PROZ: variants seen among roughly 807,000 people sequenced by gnomAD.
PROZ encodes the protein vitamin K-dependent protein Z.
A neutral mutation model predicts 34.9 loss-of-function variants in PROZ; 46 were observed. That is an observed-to-expected ratio of 1.32 (90% CI 1.04 to 1.69). PROZ has a LOEUF of 1.69. Among genes scored for constraint, PROZ ranks in the 40% most tolerant of loss-of-function variants. PROZ has a pLI of 0.00. For synonymous variants in PROZ, 195 were observed against 208.5 expected, an observed-to-expected ratio of 0.94 and a Z score of 0.56; for missense variants, 530 against 520.4, an observed-to-expected ratio of 1.02 and a Z score of -0.18.
intron 6 of PROZ, among the ~76,000 whole-genome samples, chr13:113,165,597 C>G (rs45527236): frequency 6.5e-4 from 99 of 152,286 alleles, no homozygotes; most frequent in Non-Finnish European, 1.3e-3. Context: ...GTGGTCCAGT[C>G]CCGGCTCACT....
Position 113,171,640 on chromosome 13 carries a change from C to T in PROZ, c.738C>T (p.His246=), listed in dbSNP as rs200261240. 9.9e-6 allele frequency: 16 copies of T among 1,614,026 alleles called. No homozygotes were observed. In the Admixed American group the frequency reaches 1.2e-4, roughly 12 times the overall value. The change falls in exon 8 of 8, where the codon CAC becomes CAT. Residue 246 remains histidine (H), a synonymous_variant. Transcript: ENST00000375547. The surrounding 1 kb of genome is among the most constrained non-coding windows in gnomAD (Gnocchi z 5.1). ...SQDPLMIKIT[H]VHVHMRYDAD... The stretch of plus-strand genomic sequence containing the variant: ...ACCCGCTGATGATCAAGATAACGCA[C>T]GTCCATGTGCACATGCGGTATGACG...
intron 6 of PROZ, among the ~76,000 whole-genome samples, chr13:113,168,751 C>G (rs2037021109): frequency 6.6e-6 from 1 of 151,920 alleles, no homozygotes; most frequent in Non-Finnish European, 1.5e-5. Context: ...TTTTTTGAGA[C>G]CGGGTCTCGC....
Position 113,160,185 on chromosome 13 carries a change from C to T in PROZ, c.234+8C>T. ...GAAAATGAAGTAGTCACTGTATGTA[C>T]CCCCACCACAAACCACAGGCCTCCT... On this transcript the variant is annotated splice_region_variant and intron_variant, in intron 2 of 7. Transcript: ENST00000375547. The T allele has an allele frequency of 6.2e-7, 1 of 1,613,662 alleles. No homozygotes were observed. Among genetic ancestry groups the T allele is most frequent in the Non-Finnish European group, 8.5e-7 (1 of 1,179,698 alleles).
At position 113,159,394 on chromosome 13, in the gene PROZ, C is replaced by G. The variant is rs193069246; in HGVS notation, c.71-620C>G. On this transcript the variant is annotated intron_variant, in intron 1 of 7. Coordinates refer to ENST00000375547, the MANE Select transcript of PROZ (RefSeq NM_003891.3). The surrounding 1 kb of genome is among the most constrained non-coding windows in gnomAD (Gnocchi z 4.6). The stretch of plus-strand genomic sequence containing the variant: ...TTACCGTAGCCGGACTTAGCTGAGC[C>G]CCCCCTGCTGTAACCCTCAGCACCG... The G allele has an allele frequency of 2.3e-4, 225 of 965,432 alleles. 1 individual carries two copies. Among genetic ancestry groups the G allele is most frequent in the South Asian group, 3.2e-4 (21 of 65,442 alleles). 59.8% of individuals were successfully genotyped at this position (965,432 alleles called of 1,614,324 possible).
chr13:113,165,210 G>C, intron 6 of PROZ, 90 bp downstream of exon 6: 1 of 1,352,344 alleles, frequency 7.4e-7, no homozygotes, highest in Non-Finnish European at 1.0e-6. Context: ...ACAACTAAGT[G>C]AATCAGGCAT....
At chr13:113,167,474 A>T (rs1040317375) in intron 6 of PROZ, among the ~76,000 whole-genome samples, 1 of 152,220 alleles carries the variant, frequency 6.6e-6, no homozygotes, top group Non-Finnish European at 1.5e-5. Context: ...CTATGTGGGC[A>T]CATGCTTTAT....
At position 113,164,506 on chromosome 13, in the gene PROZ, T is replaced by G; in HGVS notation, c.374-7T>G. The G allele has an allele frequency of 6.3e-7, 1 of 1,579,346 alleles. No individual in the cohort carries two copies. Among genetic ancestry groups the G allele is most frequent in the Non-Finnish European group, 8.6e-7 (1 of 1,165,572 alleles). ...CTAGCATTTCCTTTTTTTTTTTTCC[T>G]TTTCAGCTAAAAATGAATGTCACCC... On this transcript the variant is annotated splice_region_variant and splice_polypyrimidine_tract_variant and intron_variant, in intron 4 of 7. Coordinates refer to ENST00000375547, the MANE Select transcript of PROZ (RefSeq NM_003891.3).
chr13:113,162,872 G>A, intron 3 of PROZ, 137 bp from the exon 4 acceptor site: 1 of 648,252 alleles, frequency 1.5e-6, no homozygotes, highest in Non-Finnish European at 2.8e-6. Context: ...CAGGTGCTCA[G>A]GTCCCCGTCC....
chr13:113,165,089 G>T lies in PROZ; in HGVS notation c.542G>T (p.Arg181Leu), dbSNP rs777529860. 2 of 1,612,744 alleles carry T rather than the reference G, an allele frequency of 1.2e-6. No homozygotes were observed. The highest frequency in any genetic ancestry group is 1.7e-6 in the Non-Finnish European group (2 of 1,180,002). Residue 181 changes from arginine (R) to leucine (L), a missense_variant, in exon 6 of 8, where the codon CGT (arginine) becomes CTT (leucine). By Grantham distance (102) the Arg-to-Leu change is moderately radical. Transcript: ENST00000375547. The part of the protein sequence containing the change: ...CACGVLTSEK[R>L]APDLQDLPWQ... ...TGCGGGGTGCTGACCTCTGAGAAGC[G>T]TGCACCGGATCTACAGGACCTCCCG...
chr13:113,168,316 G>C (rs1167422244), intron 6 of PROZ, among the ~76,000 whole-genome samples: 1 of 152,142 alleles, frequency 6.6e-6, no homozygotes, highest in Admixed American at 6.5e-5. Flanking sequence ...CCTGCCTAAA[G>C]GGCCCCTTTG....
In PROZ at chr13:113,159,345, C is replaced by A. The variant is rs2036720608; in HGVS notation, c.70+615C>A. 2.2e-6 allele frequency: 3 copies of A among 1,392,150 alleles called. No individual in the cohort carries two copies. The highest frequency in any genetic ancestry group is 3.9e-5 in the Admixed American group (2 of 50,694). 86.2% of individuals were successfully genotyped at this position (1,392,150 alleles called of 1,614,324 possible). ...GGTCTCCCACCCTGAGAGGGTGATCCCCCCGCCCTGCCCTGCCCAGCACTT... is the reference window on the plus strand; with the variant it reads ...GGTCTCCCACCCTGAGAGGGTGATCACCCCGCCCTGCCCTGCCCAGCACTT... On this transcript the variant is annotated intron_variant, in intron 1 of 7. Coordinates refer to ENST00000375547, the MANE Select transcript of PROZ (RefSeq NM_003891.3). The surrounding 1 kb of genome is among the most constrained non-coding windows in gnomAD (Gnocchi z 4.6).
At chr13:113,166,045 C>T (rs2036922174) in intron 6 of PROZ, 1 of 152,240 alleles carries the variant, frequency 6.6e-6, no homozygotes, top group Non-Finnish European at 1.5e-5. Flanking sequence ...TTTTATACCA[C>T]CCACACTGGC....
chr13:113,168,270 G>A (rs1267993654), intron 6 of PROZ, among the ~76,000 whole-genome samples: 1 of 152,194 alleles, frequency 6.6e-6, no homozygotes, highest in East Asian at 1.9e-4. Flanking sequence ...TTGCTGCTTT[G>A]TGTAAATCCA....
At chr13:113,168,202 T>C (rs1173610060) in intron 6 of PROZ, among the ~76,000 whole-genome samples, 1 of 152,244 alleles carries the variant, frequency 6.6e-6, no homozygotes, top group Non-Finnish European at 1.5e-5. Context: ...AAACCTTACA[T>C]ATATAGTGGA....
intron 7 of PROZ, 79 bp downstream of exon 7, chr13:113,170,609 A>C: frequency 1.1e-6 from 1 of 911,066 alleles, no homozygotes. Flanking sequence ...GACAAATTTA[A>C]AACTGGACTG....
intron 5 of PROZ, 86 bp from the exon 6 acceptor site, chr13:113,164,967 T>C: frequency 1.5e-6 from 2 of 1,321,086 alleles, no homozygotes; most frequent in Admixed American, 1.7e-5. Flanking sequence ...TAGACGGAAT[T>C]ATGCAACGGT....
intron 3 of PROZ, 72 bp downstream of exon 3, chr13:113,161,044 C>A: frequency 2.3e-6 from 3 of 1,332,806 alleles, no homozygotes; most frequent in Non-Finnish European, 3.2e-6. Context: ...GCTTAGGACG[C>A]TTCACGACCC....
intron 3 of PROZ, among the ~76,000 whole-genome samples, chr13:113,161,330 G>A (rs968073401): frequency 2.6e-5 from 4 of 152,184 alleles, no homozygotes; most frequent in East Asian, 1.9e-4. Context: ...GTCAGAACTC[G>A]TCTCAAATTT....
chr13:113,159,767 C>T lies in PROZ; in HGVS notation c.71-247C>T, dbSNP rs907366258. ...CTCCTCCACTTTCCTGACTGAGGCCCGTGGCCTCTCTGCAGAACCTTAGTG... is the reference window on the plus strand; with the variant it reads ...CTCCTCCACTTTCCTGACTGAGGCCTGTGGCCTCTCTGCAGAACCTTAGTG... On this transcript the variant is annotated intron_variant, in intron 1 of 7. Transcript: ENST00000375547. This position sits in a 1 kb window ranked among gnomAD's most constrained non-coding sequence, Gnocchi z 4.6. Among the ~76,000 whole-genome samples, 2 of 152,220 alleles carry T rather than the reference C, an allele frequency of 1.3e-5. No individual in the cohort carries two copies. Among genetic ancestry groups the T allele is most frequent in the South Asian group, 2.1e-4 (1 of 4,830 alleles).
Sources: gnomAD v4.1 joint callset for allele counts (sites outside exome capture counted in the v4.1 genomes callset) on GRCh38, gnomAD v4.1.1 for gene constraint, Gnocchi (gnomAD v3.1) non-coding constraint, MANE v1.5 for transcripts, NCBI Gene and HGNC (gene_info 2026-07-23, HGNC 2026-07-21) for gene names.